EIF4ENIF1: variants seen among roughly 807,000 people sequenced by gnomAD.
EIF4ENIF1 encodes eukaryotic translation initiation factor 4E transporter.
In EIF4ENIF1, 23 loss-of-function variants were observed where a neutral mutation model predicts 110.5. The observed-to-expected ratio is 0.21, with a 90% confidence interval of 0.15 to 0.29. The LOEUF is 0.29. EIF4ENIF1 is among the 10% of genes least tolerant of loss of function. The pLI is 1.00. For missense variants in EIF4ENIF1, 1,031 were observed against 1,221.1 expected (o/e 0.84, Z 2.32); for synonymous variants, 440 against 437.0 (o/e 1.01, Z -0.09).
Position 31,484,737 on chromosome 22 carries a change from A to G in EIF4ENIF1, c.96+3886T>C, listed in dbSNP as rs1006014776. On this transcript the variant is annotated intron_variant, in intron 2 of 18. Transcript: ENST00000330125. ...TAATCCCAGCTACTCAGGAAGGTGAAGCAGGAGAATAGGTTGAACCTGGGG... is the reference window on the plus strand; with the variant it reads ...TAATCCCAGCTACTCAGGAAGGTGAGGCAGGAGAATAGGTTGAACCTGGGG... 1.4e-4 allele frequency among the ~76,000 whole-genome samples: 21 copies of G among 152,176 alleles called. 1 individual carries two copies. Among genetic ancestry groups the G allele is most frequent in the Admixed American group, 3.9e-4 (6 of 15,278 alleles).
chr22:31,442,508 T>G (rs1444992300), intron 16 of EIF4ENIF1, among the ~76,000 whole-genome samples: 1 of 152,144 alleles, frequency 6.6e-6, no homozygotes, highest in African/African-American at 2.4e-5. Context: ...CTGTAAACCC[T>G]AATTTGGAAT....
intron 7 of EIF4ENIF1, 143 bp downstream of exon 7, chr22:31,458,327 TCAAAA>T: frequency 1.7e-6 from 1 of 586,920 alleles, no homozygotes; most frequent in East Asian, 3.3e-5. Context: ...ATTAAGCCTC[TCAAAA>T]CAAAGCCAAC....
At position 31,455,289 on chromosome 22, in the gene EIF4ENIF1, C is replaced by T; in HGVS notation, c.1126G>A (p.Gly376Arg). ...GCAAAGTAATTCCCCGAGTTCTGTC[C>T]AGGAGAGAGGATGGCTTGCTCCAGA... is the stretch of plus-strand genomic sequence containing the variant. ...AGLEQAILSP[G>R]QNSGNYFAPI... The change falls in exon 9 of 19, where the codon GGA (glycine) becomes AGA (arginine). Residue 376 changes from glycine to arginine, a missense_variant. By Grantham distance (125) the Gly-to-Arg change is moderately radical. Around this residue, in one of 3 missense-constraint regions of EIF4ENIF1, gnomAD observed 704 missense variants for 879.7 expected, o/e 0.80. Transcript: ENST00000330125. 6.2e-7 allele frequency: 1 copy of T among 1,603,080 alleles called. No homozygotes were observed. The highest frequency in any genetic ancestry group is 8.5e-7 in the Non-Finnish European group (1 of 1,175,106).
chr22:31,488,456 C>A (rs1430887933), intron 2 of EIF4ENIF1, among the ~76,000 whole-genome samples, 167 bp downstream of exon 2: 1 of 152,198 alleles, frequency 6.6e-6, no homozygotes, highest in Admixed American at 6.5e-5. Context: ...TGGGTATCTA[C>A]ACTTGCAGAA....
chr22:31,460,871 G>A lies in EIF4ENIF1; in HGVS notation c.787+2061C>T, dbSNP rs545504863. ...TGAGGCAGGAGAATGGCGTGAACCC[G>A]GAGGCGGAGTTTGCCGTGAGCTAAG... On this transcript the variant is annotated intron_variant, in intron 6 of 18. Transcript: ENST00000330125. 3.5e-4 allele frequency among the ~76,000 whole-genome samples: 53 copies of A among 152,206 alleles called. 1 individual carries two copies. Among genetic ancestry groups the A allele is most frequent in the Admixed American group, 3.0e-3 (46 of 15,288 alleles).
intron 4 of EIF4ENIF1, among the ~76,000 whole-genome samples, chr22:31,465,961 T>C (rs2051170865): frequency 6.6e-6 from 1 of 152,142 alleles, no homozygotes; most frequent in South Asian, 2.1e-4. Context: ...AACTAATCTA[T>C]AGAAACAGAA....
intron 8 of EIF4ENIF1, 76 bp from the exon 9 acceptor site, chr22:31,455,391 CTTTCT>C (rs921468470): frequency 1.0e-4 from 91 of 886,200 alleles, no homozygotes; most frequent in East Asian, 6.3e-4. Context: ...ATTTTTCTTT[CTTTCT>C]TTTTTTTTTT....
intron 4 of EIF4ENIF1, among the ~76,000 whole-genome samples, chr22:31,465,341 A>AC (rs2051149912): frequency 1.3e-5 from 2 of 151,602 alleles, no homozygotes; most frequent in African/African-American, 4.8e-5. Flanking sequence ...AAAAAAAAAA[A>AC]CCAACACAAT....
chr22:31,438,997 G>A (rs374368801), downstream of EIF4ENIF1, among the ~76,000 whole-genome samples: 1 of 152,182 alleles, frequency 6.6e-6, no homozygotes, highest in Non-Finnish European at 1.5e-5. Flanking sequence ...TGAGATTACA[G>A]GCGTGAGCCA....
intron 2 of EIF4ENIF1, among the ~76,000 whole-genome samples, chr22:31,472,516 G>A (rs922226462): frequency 6.6e-6 from 1 of 152,100 alleles, no homozygotes; most frequent in Non-Finnish European, 1.5e-5. Context: ...CGATCTGCCC[G>A]CCTCGGCCTC....
downstream of EIF4ENIF1, chr22:31,437,480 C>T (rs974980554): frequency 2.3e-4 from 28 of 122,396 alleles, 1 homozygote; most frequent in Admixed American, 2.7e-3. Context: ...TTCCTCTAGT[C>T]CTTGTGTTTA....
intron 4 of EIF4ENIF1, 200 bp from the exon 5 acceptor site, chr22:31,464,167 A>G: frequency 7.0e-6 from 4 of 574,168 alleles, no homozygotes; most frequent in Non-Finnish European, 1.2e-5. Flanking sequence ...TCCTCTTTGC[A>G]GCAATAGAAG....
At chr22:31,458,681 G>C in intron 6 of EIF4ENIF1, 31 bp from the exon 7 acceptor site, 1 of 1,540,988 alleles carries the variant, frequency 6.5e-7, no homozygotes, top group Non-Finnish European at 8.8e-7. Flanking sequence ...AAAACCGTCT[G>C]ATAAGTAAAT....
At chr22:31,479,219 G>A (rs145533050) in intron 2 of EIF4ENIF1, among the ~76,000 whole-genome samples, 6 of 151,856 alleles carry the variant, frequency 4.0e-5, no homozygotes, top group Admixed American at 1.3e-4. Context: ...GGCTCATGCC[G>A]CCATGCCCGG....
intron 15 of EIF4ENIF1, 129 bp from the exon 16 acceptor site, chr22:31,443,223 C>T (rs967335653): frequency 4.4e-5 from 59 of 1,330,232 alleles, no homozygotes; most frequent in Admixed American, 1.3e-4. Flanking sequence ...CTGTAGTATT[C>T]TGTTCTGTAG....
chr22:31,464,699 A>AATATATATAT lies in EIF4ENIF1; in HGVS notation c.299-742_299-733dup, dbSNP rs1230573468. Among the ~76,000 whole-genome samples, 9 of 39,130 alleles carry AATATATATAT rather than the reference A, an allele frequency of 2.3e-4. 1 individual carries two copies. Among genetic ancestry groups the AATATATATAT allele is most frequent in the Non-Finnish European group, 4.1e-4 (8 of 19,496 alleles). The allele number at this position is 39,130 out of a possible 152,430, so 25.7% of individuals were successfully genotyped here. A position where few individuals can be genotyped will look rare whatever the true frequency, so the allele number is the denominator to read the frequency against. ...TCAAAAAAAAAAAAAAAAAAAAAAA[A>AATATATATAT]ATATATATATATATATATATATATA... is the stretch of plus-strand genomic sequence containing the variant. On this transcript the variant is annotated intron_variant, in intron 4 of 18. Transcript: ENST00000330125.
chr22:31,447,417 G>A lies in EIF4ENIF1; in HGVS notation c.1988+9C>T. 6.2e-7 allele frequency: 1 copy of A among 1,608,746 alleles called. No homozygotes were observed. The highest frequency in any genetic ancestry group is 8.5e-7 in the Non-Finnish European group (1 of 1,178,994). On this transcript the variant is annotated intron_variant, in intron 14 of 18. Transcript: ENST00000330125. ...GTAAATCTCCACATGAGCAGGATTA[G>A]TAATTTACCTGTTTCTGAATCCATC...
At chr22:31,464,147 A>G in intron 4 of EIF4ENIF1, 180 bp from the exon 5 acceptor site, 1 of 678,784 alleles carries the variant, frequency 1.5e-6, no homozygotes, top group Non-Finnish European at 2.3e-6. Flanking sequence ...TAAGGCTGAG[A>G]CATTGGCCTT....
intron 17 of EIF4ENIF1, 27 bp from the exon 18 acceptor site, chr22:31,440,895 G>A: frequency 1.2e-6 from 2 of 1,612,970 alleles, no homozygotes; most frequent in Non-Finnish European, 8.5e-7. Flanking sequence ...GCAAGCAGCT[G>A]AGTAGTCTTA....
Sources: gnomAD v4.1 joint callset for allele counts (sites outside exome capture counted in the v4.1 genomes callset) on GRCh38, gnomAD v4.1.1 for gene constraint, gnomAD v4.1.1 regional missense constraint, MANE v1.5 for transcripts, NCBI Gene and HGNC (gene_info 2026-07-23, HGNC 2026-07-21) for gene names.